Variants in SH3PXD2B observed in about 807,000 individuals in gnomAD.
SH3PXD2B encodes the protein SH3 and PX domain-containing protein 2B.
SH3PXD2B carries 37 observed loss-of-function variants against 73.1 expected under a neutral mutation model. The observed-to-expected ratio is 0.51, with a 90% CI of 0.39 to 0.67. The LOEUF is 0.67. Ranked by LOEUF, SH3PXD2B falls within the 30% of genes least tolerant of loss-of-function variation. SH3PXD2B has a pLI of 0.00. For synonymous variants in SH3PXD2B, 457 were observed against 480.5 expected (o/e 0.95, Z 0.64); for missense variants, 1,053 against 1,197.8 (o/e 0.88, Z 1.78).
chr5:172,416,696 CTTTTTTTTTTTTTTTT>C (rs202242720), intron 2 of SH3PXD2B, among the ~76,000 whole-genome samples: 54 of 62,254 alleles, frequency 8.7e-4, no homozygotes, highest in Admixed American at 1.5e-3. Flanking sequence ...CTCTCTCTCT[CTTTTTTTTTTTTTTTT>C]TTTTTTTTTT....
At chr5:172,340,433 T>C (rs1034079405) in intron 12 of SH3PXD2B, among the ~76,000 whole-genome samples, 1 of 152,058 alleles carries the variant, frequency 6.6e-6, no homozygotes, top group African/African-American at 2.4e-5. Context: ...CAGGGACCTG[T>C]GTGTAGGCGC....
chr5:172,411,648 G>A (rs921938988), intron 2 of SH3PXD2B, among the ~76,000 whole-genome samples: 1 of 152,152 alleles, frequency 6.6e-6, no homozygotes, highest in Non-Finnish European at 1.5e-5. Flanking sequence ...GCTCCGCGGC[G>A]GGGCTGGGTA....
At chr5:172,367,757 A>G (rs1757561817) in intron 6 of SH3PXD2B, among the ~76,000 whole-genome samples, 1 of 152,126 alleles carries the variant, frequency 6.6e-6, no homozygotes, top group Non-Finnish European at 1.5e-5. Flanking sequence ...AAGAGTCCTT[A>G]CAGGAGGTAA....
rs778858466 is a variant in SH3PXD2B, at chr5:172,421,172, G to A, written c.156+1244C>T. Among the ~76,000 whole-genome samples the A allele has an allele frequency of 8.0e-4, 122 of 152,206 alleles. 1 individual carries two copies. Among genetic ancestry groups the A allele is most frequent in the Non-Finnish European group, 1.2e-4 (8 of 68,038 alleles). On this transcript the variant is annotated intron_variant, in intron 2 of 12. Transcript: ENST00000311601. The surrounding 1 kb of genome is among the most constrained non-coding windows in gnomAD (Gnocchi z 4.0). Reference sequence around the variant, plus strand: ...GACACATGTTCAGAAAGCCGGGCAAGTTCCCAATGTCTCCCGAGGGTTTTC... The same window carrying A: ...GACACATGTTCAGAAAGCCGGGCAAATTCCCAATGTCTCCCGAGGGTTTTC...
chr5:172,334,255 GAGGTCCATGAGC>G lies in SH3PXD2B; in HGVS notation c.*4102_*4113del. The G allele has an allele frequency of 9.7e-7, 1 of 1,032,228 alleles. No homozygotes were observed. The highest frequency in any genetic ancestry group is 1.2e-6 in the Non-Finnish European group (1 of 862,392). The allele number at this position is 1,032,228 out of a possible 1,614,324, so 63.9% of individuals were successfully genotyped here. On this transcript the variant is annotated 3_prime_UTR_variant, in exon 13 of 13. Transcript: ENST00000311601. ...CAGTCTGTAGAAAGGTGCTCTGAAG[GAGGTCCATGAGC>G]AGGCAAGGACTGTGGAGCCTCCGGT...
intron 1 of SH3PXD2B, among the ~76,000 whole-genome samples, chr5:172,430,168 AT>A (rs1759200386): frequency 6.6e-6 from 1 of 152,260 alleles, no homozygotes; most frequent in East Asian, 1.9e-4. Flanking sequence ...TAAATGTTCC[AT>A]AAAGAGAAAC....
intron 1 of SH3PXD2B, among the ~76,000 whole-genome samples, chr5:172,453,577 C>A (rs1429364311): frequency 1.3e-5 from 2 of 152,348 alleles, no homozygotes; most frequent in Non-Finnish European, 2.9e-5. Flanking sequence ...GCCTTCCTAT[C>A]TGCAAAACGA....
chr5:172,328,789 G>A (rs1190685475), downstream of SH3PXD2B, among the ~76,000 whole-genome samples: 1 of 151,762 alleles, frequency 6.6e-6, no homozygotes, highest in Non-Finnish European at 1.5e-5. Flanking sequence ...TAGGAGAGAG[G>A]CTGAGCTGTG....
intron 1 of SH3PXD2B, among the ~76,000 whole-genome samples, chr5:172,451,342 T>A (rs1759792527): frequency 6.6e-6 from 1 of 152,060 alleles, no homozygotes; most frequent in African/African-American, 2.4e-5. Context: ...GACTTTATAG[T>A]CTATGGCGCA....
chr5:172,447,903 A>G (rs1759709534), intron 1 of SH3PXD2B, among the ~76,000 whole-genome samples: 1 of 151,726 alleles, frequency 6.6e-6, no homozygotes, highest in Non-Finnish European at 1.5e-5. Flanking sequence ...GGGGGATGGG[A>G]TGGGGGAGCA....
At chr5:172,448,576 AT>A (rs1348654523) in intron 1 of SH3PXD2B, among the ~76,000 whole-genome samples, 5 of 152,204 alleles carry the variant, frequency 3.3e-5, no homozygotes, top group Non-Finnish European at 5.9e-5. Flanking sequence ...CTTGAAGAGA[AT>A]TCAAAGCCAG....
chr5:172,336,083 A>C lies in SH3PXD2B; in HGVS notation c.*2286T>G. On this transcript the variant is annotated 3_prime_UTR_variant, in exon 13 of 13. Transcript: ENST00000311601. ...AGTGAAGTCAGCAGACAGGACTCAA[A>C]GCTCTTCCAGCCAGGGATGGAGCCA... 4 of 989,212 alleles carry C rather than the reference A, an allele frequency of 4.0e-6. No individual in the cohort carries two copies. Among genetic ancestry groups the C allele is most frequent in the Non-Finnish European group, 4.8e-6 (4 of 832,714 alleles). The allele number at this position is 989,212 out of a possible 1,614,324, so 61.3% of individuals were successfully genotyped here. A position where few individuals can be genotyped will look rare whatever the true frequency, so the allele number is the denominator to read the frequency against.
At chr5:172,355,835 C>G (rs1451136358) in intron 8 of SH3PXD2B, among the ~76,000 whole-genome samples, 2 of 152,160 alleles carry the variant, frequency 1.3e-5, no homozygotes, top group African/African-American at 4.8e-5. Flanking sequence ...TGAGCCAGCG[C>G]GCCCAGCCAT....
In SH3PXD2B at chr5:172,333,504, G is replaced by A. The variant is rs545429942; in HGVS notation, c.*4865C>T. 5.0e-5 allele frequency: 58 copies of A among 1,168,646 alleles called. No homozygotes were observed. In the East Asian group the frequency reaches 3.6e-3, roughly 72 times the overall value. The allele number at this position is 1,168,646 out of a possible 1,614,324, so 72.4% of individuals were successfully genotyped here. ...AAATCCATAGACACTGCATCTTCATGATGAAGCTTGAAACCAGTCAAGCAC... is the reference window on the plus strand; with the variant it reads ...AAATCCATAGACACTGCATCTTCATAATGAAGCTTGAAACCAGTCAAGCAC... On this transcript the variant is annotated 3_prime_UTR_variant, in exon 13 of 13. Transcript: ENST00000311601.
At chr5:172,347,180 AAG>A (rs967625462) in intron 11 of SH3PXD2B, 101 bp downstream of exon 11, 16 of 1,171,696 alleles carry the variant, frequency 1.4e-5, no homozygotes, top group African/African-American at 7.6e-5. Flanking sequence ...GTGGACAGGA[AAG>A]AGAGCATTTC....
rs896088130 is a variant in SH3PXD2B, at chr5:172,334,098, T to C, written c.*4271A>G. On this transcript the variant is annotated 3_prime_UTR_variant, in exon 13 of 13. Transcript: ENST00000311601. ...AGAGGTTGAGCCCCTCATCCCTGAT[T>C]GGAGCTAAGAAGGCTTACTTTGGAG... is the stretch of plus-strand genomic sequence containing the variant. The C allele has an allele frequency of 2.6e-6, 3 of 1,132,574 alleles. No individual in the cohort carries two copies. In the African/African-American group the frequency reaches 5.1e-5, roughly 19 times the overall value. The allele number at this position is 1,132,574 out of a possible 1,614,324, so 70.2% of individuals were successfully genotyped here.
intron 6 of SH3PXD2B, among the ~76,000 whole-genome samples, chr5:172,366,068 C>G (rs1757513244): frequency 6.6e-6 from 1 of 152,238 alleles, no homozygotes. Context: ...GGTGCCTGCA[C>G]CTGCTGCCCA....
chr5:172,380,205 G>A (rs545771226), intron 5 of SH3PXD2B, among the ~76,000 whole-genome samples: 43 of 146,424 alleles, frequency 2.9e-4, no homozygotes, highest in Non-Finnish European at 6.0e-4. Flanking sequence ...CTACAGGCAC[G>A]TACCACTATG....
intron 1 of SH3PXD2B, among the ~76,000 whole-genome samples, chr5:172,433,665 G>T (rs1344058184): frequency 6.6e-6 from 1 of 152,156 alleles, no homozygotes; most frequent in Non-Finnish European, 1.5e-5. Context: ...TGGCTCACCG[G>T]CCGGGAAGCC....
Sources: gnomAD v4.1 joint callset for allele counts (sites outside exome capture counted in the v4.1 genomes callset) on GRCh38, gnomAD v4.1.1 for gene constraint, Gnocchi (gnomAD v3.1) non-coding constraint, MANE v1.5 for transcripts, NCBI Gene and HGNC (gene_info 2026-07-23, HGNC 2026-07-21) for gene names.